Variants in RAB5C observed in about 807,000 individuals in gnomAD.
RAB5C encodes the protein RAB5C, member RAS oncogene family, also known as ras-related protein Rab-5C.
In RAB5C, 4 loss-of-function variants were observed where a neutral mutation model predicts 25.2. The observed-to-expected ratio is 0.16, with a 90% CI of 0.08 to 0.36. RAB5C has a LOEUF of 0.36. RAB5C is among the 10% of genes least tolerant of loss of function. The pLI, the probability that RAB5C is intolerant of heterozygous loss-of-function variation, is 1.00. For missense variants in RAB5C, 199 were observed against 283.8 expected, an observed-to-expected ratio of 0.70 and a Z score of 2.15; for synonymous variants, 100 against 106.4, an observed-to-expected ratio of 0.94 and a Z score of 0.37.
intron 1 of RAB5C, among the ~76,000 whole-genome samples, chr17:42,133,367 C>G (rs1598247504): frequency 6.6e-6 from 1 of 152,180 alleles, no homozygotes; most frequent in Non-Finnish European, 1.5e-5. Flanking sequence ...TAACCAGCAC[C>G]TACAGGTCGA....
At chr17:42,148,226 G>C (rs2079648909) in intron 1 of RAB5C, among the ~76,000 whole-genome samples, 1 of 151,976 alleles carries the variant, frequency 6.6e-6, no homozygotes, top group South Asian at 2.1e-4. Flanking sequence ...GGCCAACATG[G>C]TGAAATCCGT....
intron 3 of RAB5C, 128 bp downstream of exon 3, chr17:42,128,521 C>T: frequency 7.3e-7 from 1 of 1,365,246 alleles, no homozygotes; most frequent in South Asian, 1.5e-5. Context: ...TGTCCCCAAA[C>T]AGGAAATCTG....
At chr17:42,149,719 C>A (rs551921871) in intron 1 of RAB5C, among the ~76,000 whole-genome samples, 56 of 152,228 alleles carry the variant, frequency 3.7e-4, no homozygotes, top group African/African-American at 1.3e-3. Context: ...AGTGGCACAG[C>A]GTTCTCTTCT....
chr17:42,128,804 T>A lies in RAB5C; in HGVS notation c.167-4A>T. On this transcript the variant is annotated splice_region_variant and splice_polypyrimidine_tract_variant and intron_variant, in intron 2 of 5. Coordinates refer to ENST00000346213, the MANE Select transcript of RAB5C (RefSeq NM_004583.4). Reference sequence around the variant, plus strand: ...ACAGTCTGTGTGAGGAAGGCCGCTGTAAGAGAGAAGGAGCGTCCATGGGCA... The same window carrying A: ...ACAGTCTGTGTGAGGAAGGCCGCTGAAAGAGAGAAGGAGCGTCCATGGGCA... 6.7e-7 allele frequency: 1 copy of A among 1,490,492 alleles called. No homozygotes were observed. Among genetic ancestry groups the A allele is most frequent in the South Asian group, 1.4e-5 (1 of 70,298 alleles). 92.3% of individuals were successfully genotyped at this position (1,490,492 alleles called of 1,614,324 possible).
At chr17:42,143,953 CTT>C (rs887030627) in intron 1 of RAB5C, among the ~76,000 whole-genome samples, 2 of 151,838 alleles carry the variant, frequency 1.3e-5, no homozygotes, top group African/African-American at 4.8e-5. Flanking sequence ...ACCCAGCTAA[CTT>C]TTGTATTTTT....
At chr17:42,139,918 G>A (rs1291517693) in intron 1 of RAB5C, among the ~76,000 whole-genome samples, 1 of 152,154 alleles carries the variant, frequency 6.6e-6, no homozygotes, top group Admixed American at 6.5e-5. Flanking sequence ...TGCCATCCAA[G>A]GCAAAGGTTC....
At chr17:42,132,868 A>G (rs1216917029) in intron 1 of RAB5C, among the ~76,000 whole-genome samples, 1 of 152,128 alleles carries the variant, frequency 6.6e-6, no homozygotes. Flanking sequence ...ACATTCATAT[A>G]TTAAATGTCC....
chr17:42,137,139 G>A (rs576570975), intron 1 of RAB5C, among the ~76,000 whole-genome samples: 2 of 151,736 alleles, frequency 1.3e-5, no homozygotes, highest in East Asian at 1.9e-4. Context: ...AACCCCGACT[G>A]TACTAAAAAT....
At chr17:42,148,110 A>G (rs566076285) in intron 1 of RAB5C, among the ~76,000 whole-genome samples, 1 of 151,682 alleles carries the variant, frequency 6.6e-6, no homozygotes, top group African/African-American at 2.4e-5. Context: ...AAAACAAACA[A>G]AAAAAAAGAA....
At chr17:42,148,108 C>CA (rs925733025) in intron 1 of RAB5C, among the ~76,000 whole-genome samples, 11 of 149,252 alleles carry the variant, frequency 7.4e-5, no homozygotes, top group South Asian at 4.3e-4. Flanking sequence ...CAAAAACAAA[C>CA]AAAAAAAAAG....
At chr17:42,134,615 G>A (rs371690160) in intron 1 of RAB5C, among the ~76,000 whole-genome samples, 12 of 152,234 alleles carry the variant, frequency 7.9e-5, no homozygotes, top group South Asian at 6.2e-4. Context: ...TACAATGGCC[G>A]TGCTGGAGCT....
chr17:42,131,908 G>T (rs1308903112), intron 1 of RAB5C: 1 of 312,330 alleles, frequency 3.2e-6, no homozygotes, highest in Non-Finnish European at 6.0e-6. Context: ...TTTACAAACA[G>T]GTCCTGTGAG....
intron 1 of RAB5C, among the ~76,000 whole-genome samples, chr17:42,148,375 G>C (rs2079649788): frequency 7.3e-6 from 1 of 137,518 alleles, no homozygotes; most frequent in African/African-American, 2.9e-5. Flanking sequence ...TTGCACTCCA[G>C]CCTGGGTGAG....
intron 1 of RAB5C, among the ~76,000 whole-genome samples, chr17:42,149,180 G>A (rs2079654994): frequency 6.6e-6 from 1 of 152,126 alleles, no homozygotes; most frequent in African/African-American, 2.4e-5. Context: ...TCTACCTAAA[G>A]CAGTGCTTCT....
intron 1 of RAB5C, among the ~76,000 whole-genome samples, chr17:42,138,541 G>A (rs908611772): frequency 6.6e-6 from 1 of 152,226 alleles, no homozygotes; most frequent in Non-Finnish European, 1.5e-5. Flanking sequence ...AATTATCCCA[G>A]AGGGGCACTG....
chr17:42,131,558 C>T (rs1326492140), intron 1 of RAB5C: 5 of 1,497,162 alleles, frequency 3.3e-6, no homozygotes, highest in Admixed American at 3.9e-5. Context: ...AAAGTCATAG[C>T]TCTGCCACAG....
intron 1 of RAB5C, among the ~76,000 whole-genome samples, chr17:42,137,356 CTTGAT>C (rs1255224177): frequency 2.0e-5 from 3 of 149,448 alleles, no homozygotes; most frequent in Non-Finnish European, 4.4e-5. Flanking sequence ...GGAGTTATAA[CTTGAT>C]TTGAGAGGTA....
chr17:42,130,056 T>A, intron 2 of RAB5C: 1 of 362,998 alleles, frequency 2.8e-6, no homozygotes, highest in South Asian at 5.9e-5. Flanking sequence ...GCCAGGGCAG[T>A]GAAAGGGCCT....
Position 42,126,631 on chromosome 17 carries a change from CAAAAAAAAAAA to C in RAB5C, c.535+113_535+123del, listed in dbSNP as rs71357528. Reference sequence around the variant, plus strand: ...TGGGTGATAGAGCGAGACTCCATCTCAAAAAAAAAAAAAAAAAAAAAAAAAAAGAGTGGTGA... The same window carrying C: ...TGGGTGATAGAGCGAGACTCCATCTCAAAAAAAAAAAAAAAAGAGTGGTGA... On this transcript the variant is annotated intron_variant, in intron 5 of 5. Transcript: ENST00000346213. The C allele has an allele frequency of 5.9e-4, 50 of 84,562 alleles. 1 individual carries two copies. The highest frequency in any genetic ancestry group is 3.7e-3 in the African/African-American group (26 of 7,090). The allele number at this position is 84,562 out of a possible 1,614,324, so 5.2% of individuals were successfully genotyped here.
Sources: gnomAD v4.1 joint callset for allele counts (sites outside exome capture counted in the v4.1 genomes callset) on GRCh38, gnomAD v4.1.1 for gene constraint, MANE v1.5 for transcripts, NCBI Gene and HGNC (gene_info 2026-07-23, HGNC 2026-07-21) for gene names.